The following TSPEAR variants were observed in gnomAD, a reference collection of about 807,000 sequenced individuals.
The protein encoded by TSPEAR is thrombospondin type laminin G domain and EAR repeats.
In TSPEAR, 69 loss-of-function variants were observed where a neutral mutation model predicts 71.6. The observed-to-expected ratio is 0.96, with a 90% CI of 0.79 to 1.18. TSPEAR has a LOEUF of 1.18. TSPEAR is among the 50% of genes most tolerant of loss of function. The pLI, the probability that TSPEAR is intolerant of heterozygous loss-of-function variation, is 0.00. For missense variants in TSPEAR, 971 were observed against 894.9 expected (o/e 1.09, Z -1.09); for synonymous variants, 402 against 387.2 (o/e 1.04, Z -0.45).
intron 3 of TSPEAR, 86 bp downstream of exon 3, chr21:44,533,599 T>A (rs587772209): frequency 2.6e-6 from 3 of 1,132,958 alleles, no homozygotes; most frequent in Admixed American, 4.0e-5. Flanking sequence ...CTCCTGCAGG[T>A]GTTGCTCGGC....
chr21:44,602,676 T>C (rs896122718), intron 1 of TSPEAR, among the ~76,000 whole-genome samples: 1 of 152,214 alleles, frequency 6.6e-6, no homozygotes, highest in African/African-American at 2.4e-5. Context: ...AGGCAGAAGC[T>C]GCTCACGTGA....
intron 9 of TSPEAR, among the ~76,000 whole-genome samples, chr21:44,517,009 C>G: frequency 6.6e-6 from 1 of 152,196 alleles, no homozygotes. Flanking sequence ...GGCTGCTGCA[C>G]AGGAAGGCCG....
intron 2 of TSPEAR, among the ~76,000 whole-genome samples, chr21:44,549,172 C>T (rs2053355727): frequency 6.6e-6 from 1 of 152,104 alleles, no homozygotes; most frequent in Admixed American, 6.5e-5. Flanking sequence ...GGGAAGGGGT[C>T]GTCTGCGGCG....
At chr21:44,589,433 T>C (rs990034805) in intron 1 of TSPEAR, among the ~76,000 whole-genome samples, 1 of 152,224 alleles carries the variant, frequency 6.6e-6, no homozygotes, top group Non-Finnish European at 1.5e-5. Flanking sequence ...CTGGCTGCTG[T>C]CAGTCATGCT....
chr21:44,689,708 AATGAAT>A (rs782657455), intron 1 of TSPEAR, among the ~76,000 whole-genome samples: 1,214 of 38,496 alleles, frequency 0.032, 182 homozygotes, highest in South Asian at 0.18. Flanking sequence ...GACAGAATAG[AATGAAT>A]ATATATATAT....
chr21:44,702,470 G>A (rs893054069), intron 1 of TSPEAR: 23 of 1,609,002 alleles, frequency 1.4e-5, no homozygotes, highest in Admixed American at 3.3e-5. Flanking sequence ...CAGTCCTGCT[G>A]TGTGCCCGTC....
intron 10 of TSPEAR, chr21:44,508,891 T>G: frequency 6.8e-7 from 1 of 1,465,944 alleles, no homozygotes; most frequent in African/African-American, 1.4e-5. Flanking sequence ...ACGACGGGCA[T>G]GAAGCCCCCT....
In TSPEAR at chr21:44,674,444, C is replaced by T. The variant is rs150459915; in HGVS notation, c.82+36989G>A. Among the ~76,000 whole-genome samples the T allele has an allele frequency of 4.9e-3, 741 of 152,180 alleles. 3 individuals carry two copies. The highest frequency in any genetic ancestry group is 0.027 in the South Asian group (129 of 4,824). ...ATACAAAAGATCATCTGGCTGGGCACGGTGACTCATGTCTGTAATCCTAGC... is the reference window on the plus strand; with the variant it reads ...ATACAAAAGATCATCTGGCTGGGCATGGTGACTCATGTCTGTAATCCTAGC... On this transcript the variant is annotated intron_variant, in intron 1 of 11. Transcript: ENST00000323084.
rs201223953 is a variant in TSPEAR, at chr21:44,592,468, A to G, written c.83-24463T>C. The G allele has an allele frequency of 3.9e-4, 625 of 1,611,042 alleles. No individual in the cohort carries two copies. The highest frequency in any genetic ancestry group is 6.2e-4 in the Admixed American group (37 of 59,920). ...GCTCAGGTCGCTGGAGCAGACGGAC[A>G]TGGTGGACGCGGCCATGCTGGGGTT... On this transcript the variant is annotated intron_variant, in intron 1 of 11. Transcript: ENST00000323084.
At chr21:44,509,884 C>T (rs1453920661) in intron 9 of TSPEAR, 1 of 170,016 alleles carries the variant, frequency 5.9e-6, no homozygotes, top group Non-Finnish European at 1.3e-5. Flanking sequence ...GGAAGCCCAC[C>T]CTGATCCCTC....
At chr21:44,563,541 T>A (rs1044776683) in intron 2 of TSPEAR, among the ~76,000 whole-genome samples, 2 of 151,992 alleles carry the variant, frequency 1.3e-5, no homozygotes, top group Non-Finnish European at 2.9e-5. Flanking sequence ...AAATATGCAC[T>A]TAATATAAGA....
chr21:44,662,716 T>C (rs1185935393), intron 1 of TSPEAR, among the ~76,000 whole-genome samples: 7 of 152,172 alleles, frequency 4.6e-5, no homozygotes, highest in African/African-American at 1.4e-4. Context: ...TATTGTGCCA[T>C]AAAATAAACT....
Position 44,710,076 on chromosome 21 carries a change from C to T in TSPEAR, c.82+1357G>A, listed in dbSNP as rs535897716. ...AAATACATGTCTGTGACTCATGCCC[C>T]CCCACCCCCACTCCAGGGTGTGCTG... On this transcript the variant is annotated intron_variant, in intron 1 of 11. Coordinates refer to ENST00000323084, the MANE Select transcript of TSPEAR (RefSeq NM_144991.3). This position sits in a 1 kb window ranked among gnomAD's most constrained non-coding sequence, Gnocchi z 4.6. 1.3e-5 allele frequency among the ~76,000 whole-genome samples: 2 copies of T among 152,326 alleles called. No individual in the cohort carries two copies. Among genetic ancestry groups the T allele is most frequent in the Admixed American group, 6.5e-5 (1 of 15,304 alleles).
rs187919669 is a variant in TSPEAR, at chr21:44,703,673, G to A, written c.82+7760C>T. ...CACCTCTTCTGTGGCCCCAGGTCTA[G>A]CCGGGCGTGGCAGAGGTCAGAGGGA... On this transcript the variant is annotated intron_variant, in intron 1 of 11. Transcript: ENST00000323084. 2.0e-5 allele frequency among the ~76,000 whole-genome samples: 3 copies of A among 152,340 alleles called. No homozygotes were observed. In the East Asian group the frequency reaches 5.8e-4, roughly 29 times the overall value.
intron 1 of TSPEAR, among the ~76,000 whole-genome samples, chr21:44,588,271 A>G (rs1979472055): frequency 6.6e-6 from 1 of 152,244 alleles, no homozygotes; most frequent in African/African-American, 2.4e-5. Flanking sequence ...AAACATAGGA[A>G]AAAATGCTTA....
intron 1 of TSPEAR, among the ~76,000 whole-genome samples, chr21:44,685,928 C>A (rs1162543753): frequency 7.9e-5 from 12 of 152,214 alleles, no homozygotes; most frequent in African/African-American, 2.9e-4. Flanking sequence ...TAATCACAAC[C>A]TGGCACAGTG....
Position 44,555,336 on chromosome 21 carries a change from G to A in TSPEAR, c.303+12449C>T, listed in dbSNP as rs377581911. Among the ~76,000 whole-genome samples, 367 of 152,270 alleles carry A rather than the reference G, an allele frequency of 2.4e-3. 1 individual carries two copies. Among genetic ancestry groups the A allele is most frequent in the African/African-American group, 8.0e-3 (333 of 41,546 alleles). On this transcript the variant is annotated intron_variant, in intron 2 of 11. Transcript: ENST00000323084. ...AAAAGAGACGTCTCCCAGGTCCGAC[G>A]GCTGCCGGGGCCCACACAGAGCCTC...
At chr21:44,503,294 G>T (rs1300376426) in intron 11 of TSPEAR, among the ~76,000 whole-genome samples, 5 of 142,334 alleles carry the variant, frequency 3.5e-5, no homozygotes, top group East Asian at 2.2e-4. Flanking sequence ...GAGCCCTCGG[G>T]GGGAAGCAAG....
At chr21:44,615,565 TA>T (rs869073556) in intron 1 of TSPEAR, among the ~76,000 whole-genome samples, 117 of 147,356 alleles carry the variant, frequency 7.9e-4, no homozygotes, top group Middle Eastern at 3.5e-3. Flanking sequence ...TTTTTTTTTT[TA>T]AATTTATTCT....
Sources: gnomAD v4.1 joint callset for allele counts (sites outside exome capture counted in the v4.1 genomes callset) on GRCh38, gnomAD v4.1.1 for gene constraint, Gnocchi (gnomAD v3.1) non-coding constraint, MANE v1.5 for transcripts, NCBI Gene and HGNC (gene_info 2026-07-23, HGNC 2026-07-21) for gene names.